GALNTL6: variants seen among roughly 807,000 people sequenced by gnomAD.
GALNTL6 encodes polypeptide N-acetylgalactosaminyltransferase-like 6.
In GALNTL6, 46 loss-of-function variants were observed where a neutral mutation model predicts 73.7. The observed-to-expected ratio is 0.62, with a 90% CI of 0.49 to 0.80. The LOEUF is 0.80. Among genes scored for constraint, GALNTL6 ranks in the 30% least tolerant of loss-of-function variants. The pLI, the probability that GALNTL6 is intolerant of heterozygous loss-of-function variation, is 0.00. For missense variants in GALNTL6, 604 were observed against 755.0 expected, an observed-to-expected ratio of 0.80 and a Z score of 2.34; for synonymous variants, 259 against 263.7, an observed-to-expected ratio of 0.98 and a Z score of 0.17.
At chr4:172,000,619 G>A (rs1224856211) in intron 2 of GALNTL6, among the ~76,000 whole-genome samples, 1 of 152,168 alleles carries the variant, frequency 6.6e-6, no homozygotes, top group African/African-American at 2.4e-5. Flanking sequence ...GGGTAAGAGA[G>A]AGGATATGAA....
intron 2 of GALNTL6, among the ~76,000 whole-genome samples, chr4:171,870,820 A>G (rs966348271): frequency 1.3e-5 from 2 of 152,306 alleles, no homozygotes; most frequent in Admixed American, 1.3e-4. Context: ...AGGATCTTCT[A>G]GAGCCTAGGA....
chr4:172,737,765 C>T (rs1484245242), intron 5 of GALNTL6, among the ~76,000 whole-genome samples: 1 of 152,190 alleles, frequency 6.6e-6, no homozygotes, highest in Non-Finnish European at 1.5e-5. Flanking sequence ...TTATTGAATA[C>T]ATTTGCTTAG....
intron 5 of GALNTL6, among the ~76,000 whole-genome samples, chr4:172,694,314 G>A (rs1342653215): frequency 2.6e-5 from 4 of 151,856 alleles, no homozygotes; most frequent in Non-Finnish European, 2.9e-5. Context: ...ACCCCAACAG[G>A]CCCCAGTGTA....
chr4:172,162,317 A>G lies in GALNTL6; in HGVS notation c.139-67339A>G, dbSNP rs534679129. Among the ~76,000 whole-genome samples the G allele has an allele frequency of 1.5e-3, 227 of 151,896 alleles. 1 individual carries two copies. Among genetic ancestry groups the G allele is most frequent in the Non-Finnish European group, 2.4e-3 (163 of 67,850 alleles). On this transcript the variant is annotated intron_variant, in intron 2 of 12. Coordinates refer to ENST00000506823, the MANE Select transcript of GALNTL6 (RefSeq NM_001034845.3). ...AGACTGATTGCTTAAAGGGAAATCA[A>G]TATTATCTGTGAAATTAGCAGTAAT...
At chr4:172,786,444 G>A (rs1043527420) in intron 5 of GALNTL6, among the ~76,000 whole-genome samples, 2 of 152,166 alleles carry the variant, frequency 1.3e-5, no homozygotes, top group African/African-American at 4.8e-5. Context: ...TCATGCCATG[G>A]AAGGGAAAGG....
intron 2 of GALNTL6, among the ~76,000 whole-genome samples, chr4:171,876,876 AAATTTCAACCACG>A (rs1191274926): frequency 6.6e-6 from 1 of 152,200 alleles, no homozygotes; most frequent in Non-Finnish European, 1.5e-5. Flanking sequence ...ATTTGATTCA[AAATTTCAACCACG>A]TTTGGGTGAT....
chr4:172,662,913 C>T (rs1050557633), intron 5 of GALNTL6, among the ~76,000 whole-genome samples: 1 of 152,174 alleles, frequency 6.6e-6, no homozygotes, highest in Non-Finnish European at 1.5e-5. Flanking sequence ...CCTCCCTTCT[C>T]CAAGGAGCTG....
At chr4:172,320,160 C>G (rs956584764) in intron 4 of GALNTL6, among the ~76,000 whole-genome samples, 8 of 152,136 alleles carry the variant, frequency 5.3e-5, no homozygotes, top group Non-Finnish European at 8.8e-5. Context: ...ACACATGAAA[C>G]AGAGGCTCTA....
At chr4:172,731,992 G>A (rs1736176810) in intron 5 of GALNTL6, among the ~76,000 whole-genome samples, 1 of 151,652 alleles carries the variant, frequency 6.6e-6, no homozygotes, top group Non-Finnish European at 1.5e-5. Flanking sequence ...TCTATATTCA[G>A]TGAAAAAAAT....
intron 5 of GALNTL6, among the ~76,000 whole-genome samples, chr4:172,787,011 A>G (rs905992128): frequency 2.0e-5 from 3 of 152,158 alleles, no homozygotes; most frequent in Admixed American, 1.3e-4. Flanking sequence ...CTCCCTCCAC[A>G]AGGACTTTCT....
intron 5 of GALNTL6, among the ~76,000 whole-genome samples, chr4:172,419,136 G>A (rs926647601): frequency 6.6e-6 from 1 of 152,030 alleles, no homozygotes; most frequent in African/African-American, 2.4e-5. Context: ...TAACTTTGTA[G>A]CTAGATATGT....
intron 5 of GALNTL6, among the ~76,000 whole-genome samples, chr4:172,549,248 G>T (rs186682034): frequency 1.1e-3 from 164 of 152,232 alleles, no homozygotes; most frequent in Non-Finnish European, 2.1e-3. Context: ...GAGTGTTGTG[G>T]TCAGTAGATT....
intron 2 of GALNTL6, among the ~76,000 whole-genome samples, chr4:172,007,961 T>G (rs1467298950): frequency 1.3e-5 from 2 of 152,116 alleles, no homozygotes; most frequent in Non-Finnish European, 2.9e-5. Context: ...TCCTTACACC[T>G]GAACTGAGGT....
chr4:172,954,216 C>T lies in GALNTL6; in HGVS notation c.1371+1958C>T, dbSNP rs1749603277. On this transcript the variant is annotated intron_variant, in intron 10 of 12. Transcript: ENST00000506823. ...AACTGGTCACATTTTTCCCACAGTA[C>T]CTGATTAAACCATAACCTGAATTTA... Among the ~76,000 whole-genome samples, 3 of 152,320 alleles carry T rather than the reference C, an allele frequency of 2.0e-5. No homozygotes were observed. In the South Asian group the frequency reaches 6.2e-4, roughly 32 times the overall value.
At chr4:172,582,370 T>C (rs112010982) in intron 5 of GALNTL6, among the ~76,000 whole-genome samples, 48 of 152,286 alleles carry the variant, frequency 3.2e-4, no homozygotes, top group African/African-American at 1.1e-3. Flanking sequence ...GGCTATCCCT[T>C]GGTATCTTGG....
intron 5 of GALNTL6, among the ~76,000 whole-genome samples, chr4:172,758,076 C>T (rs1395376605): frequency 6.6e-6 from 1 of 152,178 alleles, no homozygotes; most frequent in African/African-American, 2.4e-5. Context: ...TAACCAGTAT[C>T]ATAAAGATGG....
chr4:172,832,895 G>T (rs1471441643), intron 7 of GALNTL6, among the ~76,000 whole-genome samples: 1 of 152,166 alleles, frequency 6.6e-6, no homozygotes, highest in East Asian at 1.9e-4. Context: ...TAACAGCTCT[G>T]CCATCAGAAA....
At chr4:172,420,117 T>G (rs546848078) in intron 5 of GALNTL6, among the ~76,000 whole-genome samples, 59 of 152,324 alleles carry the variant, frequency 3.9e-4, no homozygotes, top group Admixed American at 6.5e-5. Flanking sequence ...CCATCCATTT[T>G]ACTAAATAAT....
chr4:172,759,719 A>C (rs1023241109), intron 5 of GALNTL6, among the ~76,000 whole-genome samples: 4 of 150,974 alleles, frequency 2.6e-5, no homozygotes, highest in Non-Finnish European at 5.9e-5. Context: ...TAGGGAAGTG[A>C]CTTTCTTAGG....
Sources: allele counts gnomAD v4.1 joint callset (sites outside exome capture counted in the v4.1 genomes callset), GRCh38; gene constraint gnomAD v4.1.1; transcripts MANE v1.5; gene names NCBI Gene and HGNC (gene_info 2026-07-23, HGNC 2026-07-21).